Variants in LMBR1L observed in about 807,000 individuals in gnomAD.
The protein encoded by LMBR1L is protein LMBR1L.
LMBR1L carries 47 observed loss-of-function variants against 67.3 expected under a neutral mutation model. The observed-to-expected ratio is 0.70, with a 90% CI of 0.55 to 0.89. LMBR1L has a LOEUF of 0.89. Ranked by LOEUF, LMBR1L falls within the 40% of genes least tolerant of loss-of-function variation. The pLI is 0.00. For missense variants in LMBR1L, 533 were observed against 599.2 expected, an observed-to-expected ratio of 0.89 and a Z score of 1.15; for synonymous variants, 247 against 250.3, an observed-to-expected ratio of 0.99 and a Z score of 0.13.
rs776406389 is a variant in LMBR1L, at chr12:49,110,455, G to A, written c.72+29C>T. The A allele has an allele frequency of 1.4e-5, 22 of 1,608,738 alleles. No individual in the cohort carries two copies. The South Asian group carries it at 2.2e-4, about 16-fold the overall frequency. On this transcript the variant is annotated intron_variant, in intron 1 of 16. Transcript: ENST00000267102. ...AACCTCCCCGTCTCCCGCAACCCCC[G>A]CTTCTCCTCGCCGGGGCCCCGCACT...
In LMBR1L at chr12:49,098,038, C is replaced by G. The variant is rs774150407; in HGVS notation, c.1308G>C (p.Val436=). Residue 436 remains valine (V), a synonymous_variant, in exon 16 of 17, where the codon GTG becomes GTC. Transcript: ENST00000267102. ...RFNWLGNFYI[V]FLYNAAFAGL... ...CTGCAAAGGCTGCGTTGTAGAGGAA[C>G]ACAATGTAGAAATTGCCCAGCCAGT... The G allele has an allele frequency of 6.2e-7, 1 of 1,614,152 alleles. No individual in the cohort carries two copies. The highest frequency in any genetic ancestry group is 8.5e-7 in the Non-Finnish European group (1 of 1,180,022).
chr12:49,109,144 A>G (rs183671089), intron 1 of LMBR1L, among the ~76,000 whole-genome samples: 2 of 152,296 alleles, frequency 1.3e-5, no homozygotes, highest in East Asian at 3.9e-4. Flanking sequence ...TGGGGGAGGC[A>G]CCATAAGTCT....
chr12:49,103,090 C>G lies in LMBR1L; in HGVS notation c.631+1G>C. 1 of 1,613,902 alleles carries G rather than the reference C, an allele frequency of 6.2e-7. No homozygotes were observed. Among genetic ancestry groups the G allele is most frequent in the Non-Finnish European group, 8.5e-7 (1 of 1,179,846 alleles). The stretch of plus-strand genomic sequence containing the variant: ...TTCCCTCCCAGACCCTGTACACTCA[C>G]CCAGGAGCAGCAGAACCCCAAGGAA... On this transcript the variant is annotated splice_donor_variant, in intron 7 of 16. Coordinates refer to ENST00000267102, the MANE Select transcript of LMBR1L (RefSeq NM_018113.4). LOFTEE classifies it high-confidence loss of function.
chr12:49,110,337 A>C, intron 1 of LMBR1L, 147 bp downstream of exon 1: 1 of 726,132 alleles, frequency 1.4e-6, no homozygotes, highest in Non-Finnish European at 2.4e-6. Context: ...CTAGCCGGGC[A>C]CCCGCCCTTC....
intron 10 of LMBR1L, 21 bp from the exon 11 acceptor site, chr12:49,102,217 G>A (rs752086357): frequency 6.2e-6 from 10 of 1,613,900 alleles, no homozygotes; most frequent in Non-Finnish European, 8.5e-6. Context: ...ATGGGAGGCT[G>A]TCAGCAAGCA....
At chr12:49,100,675 G>A (rs749596982) in intron 13 of LMBR1L, 29 bp from the exon 14 acceptor site, 4 of 1,535,976 alleles carry the variant, frequency 2.6e-6, no homozygotes, top group Non-Finnish European at 3.6e-6. Flanking sequence ...AGAACTGGCT[G>A]GCTCCAAGAA....
rs375664220 is a variant in LMBR1L at position 49,097,895 on chromosome 12, C to G, written c.1402+49G>C. 8 of 1,596,162 alleles carry G rather than the reference C, an allele frequency of 5.0e-6. No individual in the cohort carries two copies. In the African/African-American group the frequency reaches 1.1e-4, roughly 21 times the overall value. ...TGGGGTGATCCATGTTCCAGAGTGT[C>G]CTAGATGATTACCACCCCCCACTAG... On this transcript the variant is annotated intron_variant, in intron 16 of 16. Transcript: ENST00000267102.
intron 2 of LMBR1L, chr12:49,106,613 G>C: frequency 7.5e-7 from 1 of 1,333,958 alleles, no homozygotes. Context: ...AGATGACACA[G>C]AGCCTGTGCC....
At chr12:49,099,525 G>A (rs971755620) in intron 15 of LMBR1L, among the ~76,000 whole-genome samples, 6 of 151,764 alleles carry the variant, frequency 4.0e-5, no homozygotes, top group Non-Finnish European at 7.4e-5. Flanking sequence ...TAGGAGGGCG[G>A]CTGTTACCTC....
rs779338534 is a variant in LMBR1L at position 49,101,475 on chromosome 12, C to T, written c.1005G>A (p.Met335Ile). ...LIDEAAMPRG[M>I]QGTSLGQVSF... Reference sequence around the variant, plus strand: ...TGGTGGGAGGGCAGCCTGGTACCTGCATGCCTCGGGGCATGGCAGCCTCAT... The same window carrying T: ...TGGTGGGAGGGCAGCCTGGTACCTGTATGCCTCGGGGCATGGCAGCCTCAT... The change falls in exon 12 of 17, where the codon ATG becomes ATA. Residue 335 changes from methionine to isoleucine, a missense_variant. Physicochemically the swap from Met to Ile is conservative, Grantham distance 10. Coordinates refer to ENST00000267102, the MANE Select transcript of LMBR1L (RefSeq NM_018113.4). 2 of 1,613,900 alleles carry T rather than the reference C, an allele frequency of 1.2e-6. No homozygotes were observed. The highest frequency in any genetic ancestry group is 1.3e-5 in the African/African-American group (1 of 75,056).
At chr12:49,098,146 C>A (rs372294449) in intron 15 of LMBR1L, 41 bp from the exon 16 acceptor site, 4 of 1,579,652 alleles carry the variant, frequency 2.5e-6, no homozygotes, top group Non-Finnish European at 2.6e-6. Flanking sequence ...GCTCCCCAGG[C>A]CCTTTTCTGC....
intron 13 of LMBR1L, chr12:49,100,953 T>C (rs2120927098): frequency 1.8e-6 from 1 of 564,468 alleles, no homozygotes; most frequent in East Asian, 3.5e-5. Flanking sequence ...GGTCTTGAAA[T>C]CCTAAACTCA....
chr12:49,097,526 T>C lies in LMBR1L; in HGVS notation c.*146A>G. 2.6e-6 allele frequency: 2 copies of C among 761,224 alleles called. No homozygotes were observed. Among genetic ancestry groups the C allele is most frequent in the Admixed American group, 2.3e-5 (1 of 43,692 alleles). 47.2% of individuals were successfully genotyped at this position (761,224 alleles called of 1,614,324 possible). A position where few individuals can be genotyped will look rare whatever the true frequency, so the allele number is the denominator to read the frequency against. On this transcript the variant is annotated 3_prime_UTR_variant, in exon 17 of 17. Coordinates refer to ENST00000267102, the MANE Select transcript of LMBR1L (RefSeq NM_018113.4). ...TGGTCCCAAACTCTGGCTCAGATTA[T>C]GCAATAGTGCAGATGGCTCTGCTCC...
Position 49,097,700 on chromosome 12 carries a change from T to C in LMBR1L, c.1442A>G (p.Gln481Arg). 2 of 1,613,714 alleles carry C rather than the reference T, an allele frequency of 1.2e-6. No individual in the cohort carries two copies. The highest frequency in any genetic ancestry group is 1.7e-6 in the Non-Finnish European group (2 of 1,179,958). Residue 481 changes from glutamine to arginine, a missense_variant, in exon 17 of 17, where the codon CAG becomes CGG. This residue lies in a region of LMBR1L where 223 missense variants were observed against 241.2 expected (regional missense o/e 0.92). Coordinates refer to ENST00000267102, the MANE Select transcript of LMBR1L (RefSeq NM_018113.4). The stretch of plus-strand genomic sequence containing the variant: ...CTGGTGCTGGGTCTTCCTAGATGCC[T>C]GGGGGAAACCGGAGACGGGCAGCGG... ...RLPLPVSGFP[Q>R]ASRKTQHQ
At chr12:49,109,295 A>AGG (rs1379038138) in intron 1 of LMBR1L, among the ~76,000 whole-genome samples, 11 of 152,296 alleles carry the variant, frequency 7.2e-5, no homozygotes, top group South Asian at 4.1e-4. Flanking sequence ...ACACTGTCTC[A>AGG]AGGCCTGGGT....
intron 6 of LMBR1L, 36 bp from the exon 7 acceptor site, chr12:49,103,195 C>T: frequency 1.3e-6 from 2 of 1,572,344 alleles, no homozygotes; most frequent in Admixed American, 3.4e-5. Flanking sequence ...CAGCTCATCT[C>T]TCCTTACTTA....
At chr12:49,109,925 G>A (rs1941345045) in intron 1 of LMBR1L, 2 of 408,700 alleles carry the variant, frequency 4.9e-6, no homozygotes, top group Non-Finnish European at 9.8e-6. Context: ...GAAAAAAGAC[G>A]GGGGAATACT....
rs1939975300 is a variant in LMBR1L at position 49,100,300 on chromosome 12, A to G, written c.1240+88T>C. 4.0e-6 allele frequency: 4 copies of G among 1,008,850 alleles called. No homozygotes were observed. In the East Asian group the frequency reaches 7.1e-5, roughly 18 times the overall value. 62.5% of individuals were successfully genotyped at this position (1,008,850 alleles called of 1,614,324 possible). A position where few individuals can be genotyped will look rare whatever the true frequency, so the allele number is the denominator to read the frequency against. On this transcript the variant is annotated intron_variant, in intron 15 of 16. Coordinates refer to ENST00000267102, the MANE Select transcript of LMBR1L (RefSeq NM_018113.4). ...TACTCATGGGTTTGTTGTGGGAATT[A>G]GAGAAATTATGTATATAAAGTGCCT...
At chr12:49,102,779 G>A (rs1374239568) in intron 8 of LMBR1L, 108 bp downstream of exon 8, 7 of 1,066,070 alleles carry the variant, frequency 6.6e-6, no homozygotes, top group South Asian at 4.0e-5. Context: ...AAAGGCTGTA[G>A]CTCTCTGCAA....
Sources: allele counts gnomAD v4.1 joint callset (sites outside exome capture counted in the v4.1 genomes callset), GRCh38; gene constraint gnomAD v4.1.1; regional missense constraint gnomAD v4.1.1; transcripts MANE v1.5; gene names NCBI Gene and HGNC (gene_info 2026-07-23, HGNC 2026-07-21).